ADRA1A: variants seen among roughly 807,000 people sequenced by gnomAD.
The protein encoded by ADRA1A is adrenoceptor alpha 1A, also known as alpha-1A adrenergic receptor.
In ADRA1A, 31 loss-of-function variants were observed where a neutral mutation model predicts 29.6. The ratio of observed to expected loss-of-function variants is 1.05; its 90% CI spans 0.79 to 1.41. The LOEUF is 1.41. Ranked by LOEUF, ADRA1A falls within the 40% of genes most tolerant of loss-of-function variation. ADRA1A has a pLI of 0.00. For synonymous variants in ADRA1A, 311 were observed against 254.3 expected (o/e 1.22, Z -2.12); for missense variants, 619 against 601.1 (o/e 1.03, Z -0.31).
intron 2 of ADRA1A, among the ~76,000 whole-genome samples, chr8:26,817,041 C>G (rs1585752206): frequency 6.6e-6 from 1 of 152,104 alleles, no homozygotes; most frequent in Admixed American, 6.5e-5. Flanking sequence ...ATAAATTGGG[C>G]TTCATCAAAA....
intron 2 of ADRA1A, among the ~76,000 whole-genome samples, chr8:26,795,439 A>G (rs937879622): frequency 2.6e-5 from 4 of 152,168 alleles, no homozygotes; most frequent in African/African-American, 9.6e-5. Context: ...AAAACTGATA[A>G]GTAAAGAACC....
chr8:26,850,024 G>GAAAAAAAAAAAAAAAAAAAAA (rs1563306314), intron 2 of ADRA1A, among the ~76,000 whole-genome samples: 2 of 20,796 alleles, frequency 9.6e-5, no homozygotes, highest in African/African-American at 2.8e-4. Context: ...AGAGAGAAAT[G>GAAAAAAAAAAAAAAAAAAAAA]CAAAAACAAA....
At chr8:26,811,538 C>G (rs1250975512) in intron 2 of ADRA1A, among the ~76,000 whole-genome samples, 3 of 152,208 alleles carry the variant, frequency 2.0e-5, no homozygotes, top group Admixed American at 6.5e-5. Flanking sequence ...ACACCAATCT[C>G]TCCTTGTCAC....
intron 2 of ADRA1A, among the ~76,000 whole-genome samples, chr8:26,838,917 A>C (rs539691676): frequency 6.6e-6 from 1 of 152,306 alleles, no homozygotes; most frequent in East Asian, 1.9e-4. Context: ...CTGGAACCAG[A>C]GTTAAGGCCA....
chr8:26,847,890 G>C (rs559003551), intron 2 of ADRA1A, among the ~76,000 whole-genome samples: 5 of 152,342 alleles, frequency 3.3e-5, no homozygotes, highest in African/African-American at 1.2e-4. Flanking sequence ...TCAGGACGCA[G>C]GGTTCCCTGG....
At chr8:26,862,310 T>C (rs1813537782) in intron 2 of ADRA1A, among the ~76,000 whole-genome samples, 1 of 152,228 alleles carries the variant, frequency 6.6e-6, no homozygotes, top group South Asian at 2.1e-4. Context: ...ATATCACCTC[T>C]TTAGACAGAA....
At chr8:26,770,777 C>G (rs934832942) in intron 2 of ADRA1A, 111 bp from the exon 3 acceptor site, 3 of 1,409,586 alleles carry the variant, frequency 2.1e-6, no homozygotes, top group African/African-American at 2.9e-5. Flanking sequence ...TTAAAATGAT[C>G]CCAAACACAT....
rs2130807461 is a variant in ADRA1A at position 26,866,564 on chromosome 8, G to A, written c.-687+372C>T. ...GCGAACCTACCGCAGGGACTCGGCA[G>A]GACAGCGCGGCGTGAGGAAGTGCCC... is the stretch of plus-strand genomic sequence containing the variant. On this transcript the variant is annotated intron_variant, in intron 1 of 2. Transcript: ENST00000380573. This position sits in a 1 kb window ranked among gnomAD's most constrained non-coding sequence, Gnocchi z 5.7. 6.6e-6 allele frequency among the ~76,000 whole-genome samples: 1 copy of A among 152,316 alleles called. No homozygotes were observed. The highest frequency in any genetic ancestry group is 2.1e-4 in the South Asian group (1 of 4,824).
chr8:26,848,191 C>G lies in ADRA1A; in HGVS notation c.883+15896G>C, dbSNP rs1462427655. On this transcript the variant is annotated intron_variant, in intron 2 of 2. Transcript: ENST00000380573. This position sits in a 1 kb window ranked among gnomAD's most constrained non-coding sequence, Gnocchi z 4.3. ...GCGTGCCTCAGTTTCCTTATCTCTA[C>G]ATGAGCATAGCAACCTCCATCTTCC... is the stretch of plus-strand genomic sequence containing the variant. Among the ~76,000 whole-genome samples the G allele has an allele frequency of 6.6e-6, 1 of 152,204 alleles. No homozygotes were observed. Among genetic ancestry groups the G allele is most frequent in the Non-Finnish European group, 1.5e-5 (1 of 68,026 alleles).
At chr8:26,811,266 C>T (rs34996142) in intron 2 of ADRA1A, among the ~76,000 whole-genome samples, 6,895 of 152,008 alleles carry the variant, frequency 0.045, 352 homozygotes, top group African/African-American at 0.12. Context: ...GATCTCGGCT[C>T]GCTGCAAGCT....
intron 2 of ADRA1A, among the ~76,000 whole-genome samples, chr8:26,834,670 TAGTTCTTCACTTTGGACCTGTATTC>T (rs2130665881): frequency 6.6e-6 from 1 of 152,334 alleles, no homozygotes; most frequent in African/African-American, 2.4e-5. Context: ...TGCAGTCAGA[TAGTTCTTCACTTTGGACCTGTATTC>T]CTCTGACAAT....
chr8:26,762,082 A>C (rs1341893915), downstream of ADRA1A, among the ~76,000 whole-genome samples: 1 of 152,174 alleles, frequency 6.6e-6, no homozygotes, highest in East Asian at 1.9e-4. The surrounding 1 kb of genome is among the most constrained non-coding windows in gnomAD (Gnocchi z 4.0). Flanking sequence ...AGAAAGGAAC[A>C]ATAAAGGAAA....
At chr8:26,784,966 A>G (rs1262927779) in intron 2 of ADRA1A, among the ~76,000 whole-genome samples, 3 of 152,298 alleles carry the variant, frequency 2.0e-5, no homozygotes, top group East Asian at 3.9e-4. Flanking sequence ...GAGACTGGGG[A>G]GTTAAGTACC....
intron 2 of ADRA1A, among the ~76,000 whole-genome samples, chr8:26,835,060 T>C (rs1811248289): frequency 1.3e-5 from 2 of 152,176 alleles, no homozygotes; most frequent in African/African-American, 4.8e-5. Context: ...TATTACTACA[T>C]TTCATAGAAA....
chr8:26,819,749 GCTAT>G (rs984721489), intron 2 of ADRA1A, among the ~76,000 whole-genome samples: 2 of 152,112 alleles, frequency 1.3e-5, no homozygotes, highest in African/African-American at 2.4e-5. Flanking sequence ...ATAGTAAGTA[GCTAT>G]CTATCAATAA....
intron 2 of ADRA1A, among the ~76,000 whole-genome samples, chr8:26,793,318 A>C (rs1297898865): frequency 6.6e-6 from 1 of 152,034 alleles, no homozygotes; most frequent in African/African-American, 2.4e-5. Flanking sequence ...GAGTAAATCA[A>C]TGACAACTTA....
chr8:26,787,190 C>A lies in ADRA1A; in HGVS notation c.884-16524G>T, dbSNP rs564782915. Reference sequence around the variant, plus strand: ...TGCGAATCTGTCACTGCTTTGCTGGCTTTATAGTGAAAATAGTGCACAGAG... The same window carrying A: ...TGCGAATCTGTCACTGCTTTGCTGGATTTATAGTGAAAATAGTGCACAGAG... On this transcript the variant is annotated intron_variant, in intron 2 of 2. Coordinates refer to ENST00000380573, the MANE Select transcript of ADRA1A (RefSeq NM_000680.4). The surrounding 1 kb of genome is among the most constrained non-coding windows in gnomAD (Gnocchi z 4.2). Among the ~76,000 whole-genome samples, 3 of 152,232 alleles carry A rather than the reference C, an allele frequency of 2.0e-5. No homozygotes were observed. The East Asian group carries it at 5.8e-4, about 29-fold the overall frequency.
At position 26,859,000 on chromosome 8, in the gene ADRA1A, G is replaced by A. The variant is rs535414551; in HGVS notation, c.883+5087C>T. On this transcript the variant is annotated intron_variant, in intron 2 of 2. Coordinates refer to ENST00000380573, the MANE Select transcript of ADRA1A (RefSeq NM_000680.4). The stretch of plus-strand genomic sequence containing the variant: ...ACGTGAGACTTCTCACAATATACAG[G>A]AAGGACCTTTGCAGTCAAATAGCCT... 3.5e-5 allele frequency: 42 copies of A among 1,195,226 alleles called. No individual in the cohort carries two copies. The South Asian group carries it at 6.1e-4, about 17-fold the overall frequency. 74.0% of individuals were successfully genotyped at this position (1,195,226 alleles called of 1,614,324 possible).
At chr8:26,790,758 T>G (rs1807755157) in intron 2 of ADRA1A, among the ~76,000 whole-genome samples, 1 of 152,066 alleles carries the variant, frequency 6.6e-6, no homozygotes, top group African/African-American at 2.4e-5. Context: ...ATTAAAGAAA[T>G]AAAATAAAAA....
Sources: allele counts gnomAD v4.1 joint callset (sites outside exome capture counted in the v4.1 genomes callset), GRCh38; gene constraint gnomAD v4.1.1; non-coding constraint Gnocchi (gnomAD v3.1); transcripts MANE v1.5; gene names NCBI Gene and HGNC (gene_info 2026-07-23, HGNC 2026-07-21).